Variants in ATP10B observed in about 807,000 individuals in gnomAD.
ATP10B encodes phospholipid-transporting ATPase VB.
A neutral mutation model predicts 141.2 loss-of-function variants in ATP10B; 122 were observed. The ratio of observed to expected loss-of-function variants is 0.86; its 90% confidence interval spans 0.75 to 1.00. The LOEUF is 1.00. Among genes scored for constraint, ATP10B ranks in the 50% least tolerant of loss-of-function variants. The probability of loss-of-function intolerance (pLI) is 0.00; values close to 1 mark genes in which losing one functional copy is unlikely to be tolerated. For synonymous variants in ATP10B, 685 were observed against 692.0 expected, an observed-to-expected ratio of 0.99 and a Z score of 0.16; for missense variants, 1,876 against 1,825.3, an observed-to-expected ratio of 1.03 and a Z score of -0.51.
intron 1 of ATP10B, among the ~76,000 whole-genome samples, chr5:160,819,179 A>C (rs1261928401): frequency 6.6e-6 from 1 of 152,140 alleles, no homozygotes; most frequent in Non-Finnish European, 1.5e-5. Context: ...TAAAAGCAGC[A>C]AGATAAAAGA....
chr5:160,624,759 T>C (rs537255186), intron 13 of ATP10B, among the ~76,000 whole-genome samples: 1 of 152,296 alleles, frequency 6.6e-6, no homozygotes, highest in South Asian at 2.1e-4. Flanking sequence ...CTAAAACCCA[T>C]AGAGACAGGC....
chr5:160,755,254 AACTC>A (rs75670919), intron 2 of ATP10B, among the ~76,000 whole-genome samples: 13,945 of 151,976 alleles, frequency 0.092, 1,043 homozygotes, highest in East Asian at 0.32. Flanking sequence ...ATCTCCTGAG[AACTC>A]ACTCACTTTT....
intron 2 of ATP10B, among the ~76,000 whole-genome samples, chr5:160,766,337 A>AACACACACACACACACACACACACAC (rs58890049): frequency 1.4e-5 from 2 of 140,296 alleles, no homozygotes; most frequent in Non-Finnish European, 3.1e-5. Flanking sequence ...GGATAAAGAG[A>AACACACACACACACACACACACACAC]ACACACACAC....
intron 1 of ATP10B, among the ~76,000 whole-genome samples, chr5:160,829,167 C>G (rs1333705889): frequency 1.3e-5 from 2 of 151,740 alleles, no homozygotes; most frequent in African/African-American, 4.8e-5. Flanking sequence ...TGTAACTAAC[C>G]TGCACATTGT....
rs773077857 is a variant in ATP10B, at chr5:160,620,477, G to A, written c.2286C>T (p.Cys762=). The A allele has an allele frequency of 1.1e-5, 18 of 1,614,114 alleles. No individual in the cohort carries two copies. Among genetic ancestry groups the A allele is most frequent in the Non-Finnish European group, 1.5e-5 (18 of 1,180,046 alleles). The change falls in exon 15 of 26, where the codon TGC becomes TGT. Residue 762 remains cysteine (C), a synonymous_variant. Transcript: ENST00000327245. Reference sequence around the variant, plus strand: ...TCCTGACAGAGTCAAAGCCCAGGGTGCAGAGGAGGCTGAAGGTGAGGCAGG... The same window carrying A: ...TCCTGACAGAGTCAAAGCCCAGGGTACAGAGGAGGCTGAAGGTGAGGCAGG... ...QGTCLTFSLL[C]TLGFDSVRKR... is the part of the protein sequence containing the mutation.
At chr5:160,738,774 T>G (rs766847479) in intron 2 of ATP10B, among the ~76,000 whole-genome samples, 1 of 152,138 alleles carries the variant, frequency 6.6e-6, no homozygotes, top group Non-Finnish European at 1.5e-5. Context: ...ACCAGGCACA[T>G]AGATGGCTTC....
intron 3 of ATP10B, among the ~76,000 whole-genome samples, chr5:160,715,931 G>A (rs1765622553): frequency 6.6e-6 from 1 of 152,012 alleles, no homozygotes; most frequent in Non-Finnish European, 1.5e-5. Flanking sequence ...GGCTGGTCTT[G>A]AACTCCTGAC....
At chr5:160,812,568 G>A (rs1307889845) in intron 1 of ATP10B, among the ~76,000 whole-genome samples, 2 of 152,090 alleles carry the variant, frequency 1.3e-5, no homozygotes, top group African/African-American at 4.8e-5. Context: ...TAATTAAAAG[G>A]AATCAAGCAG....
At chr5:160,828,458 G>T (rs1246073119) in intron 1 of ATP10B, among the ~76,000 whole-genome samples, 1 of 152,042 alleles carries the variant, frequency 6.6e-6, no homozygotes, top group Non-Finnish European at 1.5e-5. Context: ...ATAAAAAAAT[G>T]CTCATCATCA....
chr5:160,746,160 C>T (rs1767790537), intron 2 of ATP10B, among the ~76,000 whole-genome samples: 2 of 152,218 alleles, frequency 1.3e-5, no homozygotes, highest in African/African-American at 2.4e-5. Flanking sequence ...TGTCTCCACT[C>T]TACTGCTGTC....
chr5:160,746,288 G>A (rs1325999841), intron 2 of ATP10B, among the ~76,000 whole-genome samples: 2 of 152,202 alleles, frequency 1.3e-5, no homozygotes, highest in South Asian at 2.1e-4. Flanking sequence ...TATATGAGGA[G>A]AATTATTCAG....
chr5:160,706,943 A>ATATTTATTTATTTATTTATTTATT (rs551509241), intron 3 of ATP10B, among the ~76,000 whole-genome samples: 2 of 151,640 alleles, frequency 1.3e-5, no homozygotes, highest in African/African-American at 4.9e-5. Flanking sequence ...GTTTGTTTTA[A>ATATTTATTTATTTATTTATTTATT]TATTTATTTA....
chr5:160,596,406 G>A (rs1199623039), intron 22 of ATP10B, among the ~76,000 whole-genome samples: 2 of 142,846 alleles, frequency 1.4e-5, no homozygotes, highest in African/African-American at 5.2e-5. Flanking sequence ...AATAATAAGA[G>A]CTATCTACGA....
intron 1 of ATP10B, among the ~76,000 whole-genome samples, chr5:160,837,830 AC>A (rs1420380619): frequency 6.6e-6 from 1 of 152,164 alleles, no homozygotes; most frequent in Non-Finnish European, 1.5e-5. Flanking sequence ...CCCTGGAGAT[AC>A]GCCTGTACTT....
chr5:160,604,369 T>G (rs1010041714), intron 19 of ATP10B, among the ~76,000 whole-genome samples: 12 of 152,160 alleles, frequency 7.9e-5, no homozygotes, highest in African/African-American at 2.7e-4. Context: ...ACAATGAACT[T>G]TACTGATGAG....
chr5:160,640,366 A>G (rs1348206565), intron 10 of ATP10B, 95 bp downstream of exon 10: 9 of 1,447,432 alleles, frequency 6.2e-6, no homozygotes, highest in African/African-American at 2.8e-5. Flanking sequence ...TAGGCTTTAC[A>G]TTTTATTAGC....
Position 160,824,879 on chromosome 5 carries a change from G to A in ATP10B, c.-576+27062C>T, listed in dbSNP as rs186207853. Among the ~76,000 whole-genome samples the A allele has an allele frequency of 9.9e-5, 15 of 152,240 alleles. No individual in the cohort carries two copies. In the East Asian group the frequency reaches 2.5e-3, roughly 26 times the overall value. Reference sequence around the variant, plus strand: ...TCAAGGATCTTTCTAGTCCCAATCCGCCAATTGCTAGCTTTGGGCAAGCCA... The same window carrying A: ...TCAAGGATCTTTCTAGTCCCAATCCACCAATTGCTAGCTTTGGGCAAGCCA... On this transcript the variant is annotated intron_variant, in intron 1 of 25. Transcript: ENST00000327245.
chr5:160,890,886 T>C, the ATP10B span, among the ~76,000 whole-genome samples: 1 of 152,198 alleles, frequency 6.6e-6, no homozygotes, highest in Non-Finnish European at 1.5e-5. Context: ...TTGTTTTTTA[T>C]GTTTTGTAGA....
intron 3 of ATP10B, among the ~76,000 whole-genome samples, chr5:160,692,441 G>A (rs1764126492): frequency 6.6e-6 from 1 of 152,100 alleles, no homozygotes; most frequent in African/African-American, 2.4e-5. Flanking sequence ...TCATAACTAA[G>A]CATTAATCAG....
Sources: gnomAD v4.1 joint callset for allele counts (sites outside exome capture counted in the v4.1 genomes callset) on GRCh38, gnomAD v4.1.1 for gene constraint, MANE v1.5 for transcripts, NCBI Gene and HGNC (gene_info 2026-07-23, HGNC 2026-07-21) for gene names.